Variants in GRIK1 observed in about 807,000 individuals in gnomAD.
GRIK1 encodes glutamate receptor ionotropic, kainate 1.
Under a neutral mutation model 105.7 loss-of-function variants are expected in GRIK1, and 69 were observed. That is an observed-to-expected ratio of 0.65 (90% CI 0.54 to 0.80). GRIK1 has a LOEUF of 0.80. Ranked by LOEUF, GRIK1 falls within the 30% of genes least tolerant of loss-of-function variation. GRIK1 has a pLI of 0.00. For synonymous variants in GRIK1, 438 were observed against 431.3 expected, an observed-to-expected ratio of 1.02 and a Z score of -0.19; for missense variants, 1,109 against 1,167.3, an observed-to-expected ratio of 0.95 and a Z score of 0.73.
At chr21:29,802,216 C>T (rs1010796745) in intron 1 of GRIK1, among the ~76,000 whole-genome samples, 1 of 152,168 alleles carries the variant, frequency 6.6e-6, no homozygotes, top group African/African-American at 2.4e-5. Context: ...GTTTTTCTTA[C>T]ATCTAAATGT....
rs370831726 is a variant in GRIK1, at chr21:29,737,133, A to G, written c.119-43070T>C. Among the ~76,000 whole-genome samples the G allele has an allele frequency of 3.9e-5, 6 of 152,182 alleles. No individual in the cohort carries two copies. The East Asian group carries it at 9.6e-4, about 24-fold the overall frequency. ...CACCTATGCTTAACAATTTCCAAAG[A>G]CAGCTTGATGTTTCCAAGAAGTCCC... On this transcript the variant is annotated intron_variant, in intron 1 of 17. Transcript: ENST00000327783.
intron 14 of GRIK1, among the ~76,000 whole-genome samples, chr21:29,568,451 G>T (rs994515394): frequency 3.9e-5 from 6 of 152,160 alleles, no homozygotes; most frequent in African/African-American, 1.4e-4. Context: ...CCACTCCCTG[G>T]AAAGAGATGA....
chr21:29,629,226 G>GTGTGTGTGTGTGTGTT (rs1405000278), intron 7 of GRIK1, among the ~76,000 whole-genome samples: 4 of 150,692 alleles, frequency 2.7e-5, no homozygotes, highest in African/African-American at 9.7e-5. Context: ...GTGTGTGTGT[G>GTGTGTGTGTGTGTGTT]TGTGTGTGCT....
At chr21:29,836,838 AT>A (rs926482544) in intron 1 of GRIK1, among the ~76,000 whole-genome samples, 14 of 152,194 alleles carry the variant, frequency 9.2e-5, no homozygotes, top group African/African-American at 3.1e-4. Context: ...TTCTTTCAAA[AT>A]TCTCTTCTAT....
chr21:29,694,093 C>T (rs746714521), intron 1 of GRIK1, 30 bp from the exon 2 acceptor site: 8 of 1,153,862 alleles, frequency 6.9e-6, no homozygotes, highest in Admixed American at 5.3e-5. Context: ...GCATGAGAAG[C>T]GTTAGTCACA....
At chr21:29,695,470 ATC>A (rs1317155359) in intron 1 of GRIK1, among the ~76,000 whole-genome samples, 7,803 of 146,056 alleles carry the variant, frequency 0.053, 271 homozygotes, top group East Asian at 0.17. Context: ...CTATCTATCT[ATC>A]TATCTATATA....
intron 16 of GRIK1, among the ~76,000 whole-genome samples, chr21:29,548,684 T>C (rs946169711): frequency 1.3e-5 from 2 of 152,172 alleles, no homozygotes; most frequent in African/African-American, 2.4e-5. Context: ...TTGGGATTCA[T>C]TGTAGTACTG....
chr21:29,569,751 C>T (rs1041408375), intron 14 of GRIK1, among the ~76,000 whole-genome samples: 16 of 152,104 alleles, frequency 1.1e-4, no homozygotes, highest in Non-Finnish European at 1.8e-4. Context: ...ACTGTGAGAC[C>T]ACAGTTTGGA....
At chr21:29,905,520 T>C (rs963396982) in intron 1 of GRIK1, among the ~76,000 whole-genome samples, 2 of 151,090 alleles carry the variant, frequency 1.3e-5, no homozygotes, top group African/African-American at 4.8e-5. Context: ...ATCTTGGCTC[T>C]CTGCAACCTC....
chr21:29,889,918 T>C (rs2069828390), intron 1 of GRIK1, among the ~76,000 whole-genome samples: 1 of 152,060 alleles, frequency 6.6e-6, no homozygotes, highest in Non-Finnish European at 1.5e-5. Flanking sequence ...AAATTAATAA[T>C]ATTTATTTTG....
At chr21:29,602,657 G>A (rs987464158) in intron 7 of GRIK1, among the ~76,000 whole-genome samples, 3 of 152,030 alleles carry the variant, frequency 2.0e-5, no homozygotes, top group African/African-American at 7.2e-5. Flanking sequence ...TCATGTGCTG[G>A]GTAAAAACAT....
Position 29,689,876 on chromosome 21 carries a change from C to A in GRIK1, c.396G>T (p.Gln132His), listed in dbSNP as rs753005776. 6.2e-7 allele frequency: 1 copy of A among 1,613,856 alleles called. No homozygotes were observed. Among genetic ancestry groups the A allele is most frequent in the Admixed American group, 1.7e-5 (1 of 59,998 alleles). The change falls in exon 3 of 18, where the codon CAG becomes CAT. Residue 132 changes from glutamine to histidine, a missense_variant. Around this residue, in one of 5 missense-constraint regions of GRIK1, gnomAD observed 612 missense variants for 586.0 expected, o/e 1.04. Transcript: ENST00000327783. ...ICNALEVPHIQTRWKHPSVDN... is the reference protein window; with the variant it reads ...ICNALEVPHIHTRWKHPSVDN... ...CCACCGAGGGGTGTTTCCAGCGGGT[C>A]TGTATGTGTGGAACTTCGAGAGCAT...
intron 1 of GRIK1, among the ~76,000 whole-genome samples, chr21:29,932,616 A>C (rs1231263738): frequency 6.6e-6 from 1 of 152,002 alleles, no homozygotes; most frequent in Non-Finnish European, 1.5e-5. Context: ...ACTTGGAAAA[A>C]TAGTGACAGT....
intron 1 of GRIK1, among the ~76,000 whole-genome samples, chr21:29,886,059 A>G (rs528042352): frequency 1.3e-5 from 2 of 152,206 alleles, no homozygotes; most frequent in East Asian, 1.9e-4. Context: ...GTTATTGCCA[A>G]TGTTTCAGGC....
At chr21:29,922,121 C>A (rs546130611) in intron 1 of GRIK1, among the ~76,000 whole-genome samples, 1 of 152,210 alleles carries the variant, frequency 6.6e-6, no homozygotes, top group South Asian at 2.1e-4. Flanking sequence ...TGCAAGATCA[C>A]CATTAATCTG....
chr21:29,620,843 AAT>A (rs948947813), intron 7 of GRIK1, among the ~76,000 whole-genome samples: 3 of 146,628 alleles, frequency 2.0e-5, no homozygotes, highest in Non-Finnish European at 3.0e-5. Flanking sequence ...ATAGTCATAA[AAT>A]ATATATCATA....
At chr21:29,932,049 C>T (rs2071584951) in intron 1 of GRIK1, among the ~76,000 whole-genome samples, 1 of 152,104 alleles carries the variant, frequency 6.6e-6, no homozygotes, top group Non-Finnish European at 1.5e-5. Flanking sequence ...TCTGCATTAT[C>T]ACACTTCTCT....
chr21:29,743,011 C>G (rs112369945), intron 1 of GRIK1, among the ~76,000 whole-genome samples: 1 of 150,270 alleles, frequency 6.7e-6, no homozygotes, highest in South Asian at 2.1e-4. Context: ...GATGGTTTCA[C>G]GCTGGATGGG....
chr21:29,631,514 A>G (rs1250798720), intron 7 of GRIK1, among the ~76,000 whole-genome samples: 1 of 152,174 alleles, frequency 6.6e-6, no homozygotes, highest in African/African-American at 2.4e-5. Context: ...CTCCAGAACT[A>G]TGAGAAATAA....
Sources: allele counts gnomAD v4.1 joint callset (sites outside exome capture counted in the v4.1 genomes callset), GRCh38; gene constraint gnomAD v4.1.1; regional missense constraint gnomAD v4.1.1; transcripts MANE v1.5; gene names NCBI Gene and HGNC (gene_info 2026-07-23, HGNC 2026-07-21).